Variants in TCF4 observed in about 807,000 individuals in gnomAD.
TCF4 encodes SL3-3 enhancer factor 2.
A neutral mutation model predicts 82.1 loss-of-function variants in TCF4; 3 were observed. The ratio of observed to expected loss-of-function variants is 0.04; its 90% CI spans 0.02 to 0.09. The LOEUF is 0.09. Ranked by LOEUF, TCF4 falls within the 10% of genes least tolerant of loss-of-function variation. The pLI is 1.00. For synonymous variants in TCF4, 276 were observed against 309.6 expected (o/e 0.89, Z 1.14); for missense variants, 518 against 852.7 (o/e 0.61, Z 4.89).
chr18:55,324,745 T>C (rs964826836), intron 8 of TCF4, among the ~76,000 whole-genome samples: 10 of 152,006 alleles, frequency 6.6e-5, no homozygotes, highest in Non-Finnish European at 1.5e-4. Flanking sequence ...AGCCACACTA[T>C]ACAGAAAGCC....
intron 8 of TCF4, among the ~76,000 whole-genome samples, chr18:55,306,596 G>A (rs1356813837): frequency 6.6e-6 from 1 of 152,204 alleles, no homozygotes; most frequent in African/African-American, 2.4e-5. Flanking sequence ...CTTCTCAAAC[G>A]ACAGGCATGA....
intron 3 of TCF4, among the ~76,000 whole-genome samples, chr18:55,568,283 G>A (rs1481669164): frequency 3.3e-5 from 5 of 151,306 alleles, no homozygotes; most frequent in Admixed American, 6.6e-5. Context: ...CCAAAAGTTG[G>A]TTTGAAAAGA....
intron 2 of TCF4, among the ~76,000 whole-genome samples, chr18:55,625,516 C>T (rs1487395406): frequency 6.6e-6 from 1 of 152,134 alleles, no homozygotes; most frequent in African/African-American, 2.4e-5. Flanking sequence ...GGATTGCAAG[C>T]GTGAGCCACT....
chr18:55,321,456 C>G lies in TCF4; in HGVS notation c.549+28903G>C. 3 of 696,962 alleles carry G rather than the reference C, an allele frequency of 4.3e-6. No individual in the cohort carries two copies. The South Asian group carries it at 5.5e-5, about 13-fold the overall frequency. 43.2% of individuals were successfully genotyped at this position (696,962 alleles called of 1,614,324 possible). On this transcript the variant is annotated intron_variant, in intron 8 of 19. Transcript: ENST00000354452. ...TAAAGCTCTGAAAGCATCTATTTTT[C>G]TACTCTGGGGGAGGAGTGGGGGGAA...
chr18:55,232,613 G>A lies in TCF4; in HGVS notation c.1545C>T (p.Ser515=), dbSNP rs777418647. ...GCAGGTTCTCATCACCCTCGTCATC[G>A]GATTTGATCTCAGAGCTGCCAGAGG... The part of the protein sequence containing the change: ...SVSSGSSEIK[S]DDEGDENLQD... The change falls in exon 17 of 20, where the codon TCC becomes TCT. Residue 515 remains serine, a synonymous_variant. Coordinates refer to ENST00000354452, the MANE Select transcript of TCF4 (RefSeq NM_001083962.2). 55 of 1,613,930 alleles carry A rather than the reference G, an allele frequency of 3.4e-5. No homozygotes were observed. The highest frequency in any genetic ancestry group is 2.5e-4 in the African/African-American group (19 of 74,900).
At chr18:55,463,467 C>A (rs1458912924) in intron 4 of TCF4, among the ~76,000 whole-genome samples, 2 of 152,118 alleles carry the variant, frequency 1.3e-5, no homozygotes, top group African/African-American at 4.8e-5. Flanking sequence ...CCCCAAGAAA[C>A]AACCAATGCA....
intron 3 of TCF4, among the ~76,000 whole-genome samples, chr18:55,559,041 TAA>T (rs33984019): frequency 6.4e-4 from 71 of 111,218 alleles, no homozygotes; most frequent in African/African-American, 1.2e-3. Context: ...ATCTCCCCCC[TAA>T]AAAAAAAAAA....
At chr18:55,336,149 T>G (rs940458040) in intron 8 of TCF4, among the ~76,000 whole-genome samples, 1 of 152,084 alleles carries the variant, frequency 6.6e-6, no homozygotes, top group African/African-American at 2.4e-5. Flanking sequence ...ACTTCAGAGA[T>G]CTCAATTCTA....
chr18:55,554,952 T>C (rs929079923), intron 3 of TCF4, among the ~76,000 whole-genome samples: 4 of 152,350 alleles, frequency 2.6e-5, no homozygotes, highest in African/African-American at 9.6e-5. Context: ...GCAGGCTTTT[T>C]CCTTCCCTTT....
At chr18:55,258,289 A>G (rs1464043839) in intron 13 of TCF4, among the ~76,000 whole-genome samples, 1 of 152,112 alleles carries the variant, frequency 6.6e-6, no homozygotes, top group African/African-American at 2.4e-5. Context: ...CTGTCCCCAT[A>G]TTTGCATCTT....
intron 2 of TCF4, among the ~76,000 whole-genome samples, chr18:55,602,331 C>T (rs1283749125): frequency 1.3e-5 from 2 of 152,206 alleles, no homozygotes; most frequent in African/African-American, 4.8e-5. Context: ...ACGCCCTCAA[C>T]TCTCCTGCCC....
At chr18:55,527,428 G>A (rs972207829) in intron 3 of TCF4, among the ~76,000 whole-genome samples, 9 of 152,138 alleles carry the variant, frequency 5.9e-5, no homozygotes, top group African/African-American at 1.7e-4. Context: ...ATACAAGCAC[G>A]TTTCTCAATG....
intron 3 of TCF4, among the ~76,000 whole-genome samples, chr18:55,511,392 C>T (rs2096828052): frequency 7.0e-6 from 1 of 143,482 alleles, no homozygotes. Context: ...CTTACCTCTA[C>T]TATTTTAATA....
chr18:55,549,776 A>G (rs1270513084), intron 3 of TCF4, among the ~76,000 whole-genome samples: 1 of 152,146 alleles, frequency 6.6e-6, no homozygotes, highest in Non-Finnish European at 1.5e-5. Context: ...AAATAATGAT[A>G]AGAAATATAG....
At chr18:55,573,738 T>C (rs2097500329) in intron 3 of TCF4, among the ~76,000 whole-genome samples, 1 of 152,202 alleles carries the variant, frequency 6.6e-6, no homozygotes, top group African/African-American at 2.4e-5. Context: ...TTGCAAACTC[T>C]TCTCAGGCCA....
chr18:55,296,677 T>G (rs532067530), intron 8 of TCF4, among the ~76,000 whole-genome samples: 5 of 152,364 alleles, frequency 3.3e-5, no homozygotes, highest in African/African-American at 1.2e-4. Context: ...TCAGTGTGAC[T>G]GCTCCTAAGG....
chr18:55,300,099 TACACAC>T (rs372975426), intron 8 of TCF4, among the ~76,000 whole-genome samples: 24 of 148,014 alleles, frequency 1.6e-4, no homozygotes, highest in Admixed American at 1.3e-3. Context: ...CATACAGATA[TACACAC>T]ACACACACAC....
intron 3 of TCF4, among the ~76,000 whole-genome samples, chr18:55,532,683 C>A (rs905875474): frequency 5.9e-5 from 9 of 152,170 alleles, no homozygotes; most frequent in Non-Finnish European, 2.9e-5. Context: ...GCCCTTCTAA[C>A]CCTAAAGTTC....
chr18:55,327,277 A>G (rs1332525393), intron 8 of TCF4, among the ~76,000 whole-genome samples: 1 of 145,362 alleles, frequency 6.9e-6, no homozygotes, highest in Non-Finnish European at 1.6e-5. Flanking sequence ...AAATATACTT[A>G]TCTGAAGTAA....
Sources: gnomAD v4.1 joint callset for allele counts (sites outside exome capture counted in the v4.1 genomes callset) on GRCh38, gnomAD v4.1.1 for gene constraint, MANE v1.5 for transcripts, NCBI Gene and HGNC (gene_info 2026-07-23, HGNC 2026-07-21) for gene names.